CTNND2: variants seen among roughly 807,000 people sequenced by gnomAD.
CTNND2 encodes the protein catenin delta-2.
CTNND2 carries 22 observed loss-of-function variants against 144.4 expected under a neutral mutation model. The ratio of observed to expected loss-of-function variants is 0.15; its 90% CI spans 0.11 to 0.22. The LOEUF (loss-of-function observed/expected upper bound fraction) is 0.22, where lower values mean the gene tolerates loss of function less well. Ranked by LOEUF, CTNND2 falls within the 10% of genes least tolerant of loss-of-function variation. The pLI is 1.00. For synonymous variants in CTNND2, 751 were observed against 695.6 expected, an observed-to-expected ratio of 1.08 and a Z score of -1.25; for missense variants, 1,353 against 1,618.8, an observed-to-expected ratio of 0.84 and a Z score of 2.82.
At chr5:11,525,068 GT>G (rs1451813762) in intron 3 of CTNND2, among the ~76,000 whole-genome samples, 1 of 152,254 alleles carries the variant, frequency 6.6e-6, no homozygotes, top group East Asian at 1.9e-4. Flanking sequence ...TCATTTTTGT[GT>G]TTATTGTAAG....
intron 3 of CTNND2, among the ~76,000 whole-genome samples, chr5:11,561,372 A>G (rs540833615): frequency 6.6e-6 from 1 of 152,370 alleles, no homozygotes; most frequent in East Asian, 1.9e-4. Context: ...GAAAGCCAAG[A>G]CAGAAATGAG....
At chr5:11,499,776 T>C (rs940216376) in intron 3 of CTNND2, among the ~76,000 whole-genome samples, 36 of 152,222 alleles carry the variant, frequency 2.4e-4, no homozygotes, top group African/African-American at 8.7e-4. Flanking sequence ...AATCTGTACA[T>C]TTAATTTTTA....
At position 11,586,089 on chromosome 5, in the gene CTNND2, T is replaced by C. The variant is rs558522566; in HGVS notation, c.175-21033A>G. On this transcript the variant is annotated intron_variant, in intron 2 of 21. Coordinates refer to ENST00000304623, the MANE Select transcript of CTNND2 (RefSeq NM_001332.4). Reference sequence around the variant, plus strand: ...AGTAGTAACATGATAGGATTTACATTTTCATAGGATTCCTTTGCCTGCTAT... The same window carrying C: ...AGTAGTAACATGATAGGATTTACATCTTCATAGGATTCCTTTGCCTGCTAT... Among the ~76,000 whole-genome samples, 4 of 152,276 alleles carry C rather than the reference T, an allele frequency of 2.6e-5. No individual in the cohort carries two copies. The South Asian group carries it at 8.3e-4, about 32-fold the overall frequency.
chr5:11,830,011 T>C (rs1229582193), intron 1 of CTNND2, among the ~76,000 whole-genome samples: 1 of 152,254 alleles, frequency 6.6e-6, no homozygotes, highest in Non-Finnish European at 1.5e-5. Context: ...AACATTTGAC[T>C]GCCCTGCTGG....
intron 2 of CTNND2, among the ~76,000 whole-genome samples, chr5:11,662,135 A>ATATACATATATATG (rs1783252551): frequency 1.5e-5 from 2 of 134,220 alleles, no homozygotes; most frequent in Non-Finnish European, 3.1e-5. Flanking sequence ...ATATACATAT[A>ATATACATATATATG]TGTATATATA....
intron 21 of CTNND2, among the ~76,000 whole-genome samples, chr5:10,975,426 T>C (rs1309929923): frequency 6.6e-6 from 1 of 152,172 alleles, no homozygotes; most frequent in African/African-American, 2.4e-5. Flanking sequence ...ATATCTATAA[T>C]CTATCATCTG....
intron 16 of CTNND2, among the ~76,000 whole-genome samples, chr5:11,023,467 G>T (rs925721163): frequency 1.3e-5 from 2 of 152,188 alleles, no homozygotes; most frequent in African/African-American, 4.8e-5. Flanking sequence ...GTTGCGGCCT[G>T]TATTTTTTAA....
intron 12 of CTNND2, among the ~76,000 whole-genome samples, chr5:11,122,523 C>A (rs527631063): frequency 6.6e-6 from 1 of 152,106 alleles, no homozygotes; most frequent in South Asian, 2.1e-4. Context: ...CTGGAGTTGT[C>A]TCATACCCAG....
chr5:11,178,811 T>G (rs1214081923), intron 11 of CTNND2, among the ~76,000 whole-genome samples: 1 of 152,194 alleles, frequency 6.6e-6, no homozygotes, highest in Non-Finnish European at 1.5e-5. Context: ...GATTATCAAT[T>G]TAGTGTACCA....
chr5:11,363,912 C>T (rs1756705491), intron 8 of CTNND2, among the ~76,000 whole-genome samples: 1 of 152,116 alleles, frequency 6.6e-6, no homozygotes, highest in African/African-American at 2.4e-5. Flanking sequence ...TGTCTGCAGA[C>T]CAGCAACACA....
At chr5:11,260,453 T>C (rs1744747266) in intron 9 of CTNND2, among the ~76,000 whole-genome samples, 1 of 152,202 alleles carries the variant, frequency 6.6e-6, no homozygotes, top group Non-Finnish European at 1.5e-5. Flanking sequence ...AGTAAAATTA[T>C]CTTTTACAAT....
At chr5:11,252,314 A>G (rs1327560914) in intron 9 of CTNND2, among the ~76,000 whole-genome samples, 3 of 152,206 alleles carry the variant, frequency 2.0e-5, no homozygotes, top group Non-Finnish European at 4.4e-5. Flanking sequence ...CTGTCAGGTC[A>G]GTGTAACAAG....
intron 2 of CTNND2, among the ~76,000 whole-genome samples, chr5:11,618,012 T>G (rs142337335): frequency 1.3e-5 from 2 of 152,344 alleles, no homozygotes; most frequent in African/African-American, 4.8e-5. Flanking sequence ...CTCCTTTATT[T>G]TTCACGTATT....
chr5:11,018,626 G>A (rs1425570889), intron 17 of CTNND2, among the ~76,000 whole-genome samples: 1 of 151,190 alleles, frequency 6.6e-6, no homozygotes, highest in African/African-American at 2.4e-5. Context: ...TATGGAGAAA[G>A]TTTGAGTGGT....
chr5:11,805,235 A>ATATATAGCTT (rs1791927069), intron 1 of CTNND2, among the ~76,000 whole-genome samples: 1 of 152,144 alleles, frequency 6.6e-6, no homozygotes, highest in Non-Finnish European at 1.5e-5. Context: ...CTGTGAACTG[A>ATATATAGCTT]TATATAGCTT....
intron 9 of CTNND2, among the ~76,000 whole-genome samples, chr5:11,319,548 T>A (rs1477530328): frequency 6.6e-6 from 1 of 152,130 alleles, no homozygotes; most frequent in South Asian, 2.1e-4. Context: ...TGAGACAGAG[T>A]CTCACTCTGT....
intron 2 of CTNND2, among the ~76,000 whole-genome samples, chr5:11,727,069 T>C (rs1787064547): frequency 6.6e-6 from 1 of 152,164 alleles, no homozygotes; most frequent in South Asian, 2.1e-4. Context: ...CCAGCACACA[T>C]TCCCAAGACT....
At chr5:11,656,330 C>T (rs1782909953) in intron 2 of CTNND2, among the ~76,000 whole-genome samples, 1 of 151,840 alleles carries the variant, frequency 6.6e-6, no homozygotes, top group Non-Finnish European at 1.5e-5. Flanking sequence ...AAAAAAAGAG[C>T]AGTCTAAGCT....
At chr5:11,616,993 A>T (rs1780613593) in intron 2 of CTNND2, among the ~76,000 whole-genome samples, 1 of 152,088 alleles carries the variant, frequency 6.6e-6, no homozygotes, top group Non-Finnish European at 1.5e-5. Flanking sequence ...GCCTGTAAGG[A>T]TTTATTCCTT....
Sources: allele counts gnomAD v4.1 joint callset (sites outside exome capture counted in the v4.1 genomes callset), GRCh38; gene constraint gnomAD v4.1.1; transcripts MANE v1.5; gene names NCBI Gene and HGNC (gene_info 2026-07-23, HGNC 2026-07-21).